GABRG2: variants seen among roughly 807,000 people sequenced by gnomAD.
GABRG2 encodes gamma-aminobutyric acid type A receptor subunit gamma2, also known as gamma-aminobutyric acid receptor subunit gamma-2.
A neutral mutation model predicts 56.4 loss-of-function variants in GABRG2; 16 were observed. The observed-to-expected ratio is 0.28, with a 90% CI of 0.19 to 0.43. GABRG2 has a LOEUF of 0.43. Ranked by LOEUF, GABRG2 falls within the 20% of genes least tolerant of loss-of-function variation. The pLI, the probability that GABRG2 is intolerant of heterozygous loss-of-function variation, is 1.00. For missense variants in GABRG2, 327 were observed against 582.7 expected (o/e 0.56, Z 4.52); for synonymous variants, 208 against 205.5 (o/e 1.01, Z -0.10).
At chr5:162,096,957 C>G (rs958514155) in intron 3 of GABRG2, among the ~76,000 whole-genome samples, 3 of 152,180 alleles carry the variant, frequency 2.0e-5, no homozygotes, top group African/African-American at 7.2e-5. Context: ...AAACCCTCTT[C>G]TTGGGGGTTT....
At position 162,154,991 on chromosome 5, in the gene GABRG2, C is replaced by A. The variant is rs1765615059; in HGVS notation, c.*1623C>A. Reference sequence around the variant, plus strand: ...AATCCTTATTTTTCTAAAATAGCACCCTTTGTTAATTATTTTTATGGAAAT... The same window carrying A: ...AATCCTTATTTTTCTAAAATAGCACACTTTGTTAATTATTTTTATGGAAAT... On this transcript the variant is annotated 3_prime_UTR_variant, in exon 10 of 10. Transcript: ENST00000639213. 6.6e-6 allele frequency: 1 copy of A among 151,990 alleles called. No individual in the cohort carries two copies. The highest frequency in any genetic ancestry group is 1.5e-5 in the Non-Finnish European group (1 of 67,962). 9.4% of individuals were successfully genotyped at this position (151,990 alleles called of 1,614,324 possible). A position where few individuals can be genotyped will look rare whatever the true frequency, so the allele number is the denominator to read the frequency against.
At chr5:162,099,478 G>A (rs1247759212) in intron 4 of GABRG2, 1 of 151,946 alleles carries the variant, frequency 6.6e-6, no homozygotes, top group Non-Finnish European at 1.5e-5. Context: ...TTACTATGTT[G>A]CCCATGTGGT....
chr5:162,075,786 G>A (rs576388319), intron 1 of GABRG2, among the ~76,000 whole-genome samples: 37 of 152,080 alleles, frequency 2.4e-4, no homozygotes, highest in Non-Finnish European at 4.1e-4. Context: ...CAAACAAACC[G>A]TTTCCACAGC....
intron 1 of GABRG2, 22 bp downstream of exon 1, chr5:162,068,128 G>A: frequency 3.2e-6 from 5 of 1,575,452 alleles, no homozygotes; most frequent in Non-Finnish European, 4.4e-6. Flanking sequence ...CCTTTTTGGC[G>A]TCGTTTTGTT....
intron 6 of GABRG2, among the ~76,000 whole-genome samples, chr5:162,105,814 T>TATACAC (rs149564929): frequency 6.8e-6 from 1 of 147,468 alleles, no homozygotes; most frequent in African/African-American, 2.5e-5. Context: ...AGAAAACACA[T>TATACAC]ACACACACAC....
chr5:162,081,611 T>G (rs1441705824), intron 1 of GABRG2, among the ~76,000 whole-genome samples: 3 of 151,992 alleles, frequency 2.0e-5, no homozygotes, highest in African/African-American at 4.8e-5. Flanking sequence ...ATAATACTTT[T>G]GAGATTCATC....
At chr5:162,109,420 A>ATATATATATATATTTATT (rs1424412323) in intron 6 of GABRG2, among the ~76,000 whole-genome samples, 9 of 116,134 alleles carry the variant, frequency 7.7e-5, no homozygotes, top group South Asian at 2.9e-4. Context: ...ATATATATAT[A>ATATATATATATATTTATT]TATTTATTTA....
At chr5:162,141,872 G>A (rs547552171) in intron 6 of GABRG2, among the ~76,000 whole-genome samples, 13 of 152,168 alleles carry the variant, frequency 8.5e-5, no homozygotes, top group African/African-American at 2.9e-4. Context: ...TAATGTTTGT[G>A]AAGTAGGAAG....
intron 6 of GABRG2, among the ~76,000 whole-genome samples, chr5:162,114,559 GATAA>G (rs1369432128): frequency 6.6e-6 from 1 of 151,826 alleles, no homozygotes; most frequent in Non-Finnish European, 1.5e-5. Flanking sequence ...AAATAAATAA[GATAA>G]ATAAAGGGCA....
intron 1 of GABRG2, among the ~76,000 whole-genome samples, chr5:162,081,050 G>C (rs1203330440): frequency 6.6e-6 from 1 of 152,028 alleles, no homozygotes; most frequent in Non-Finnish European, 1.5e-5. Flanking sequence ...TTCTCATAGA[G>C]ACCATTGACA....
chr5:162,137,407 C>T (rs541710122), intron 6 of GABRG2, among the ~76,000 whole-genome samples: 2 of 152,318 alleles, frequency 1.3e-5, no homozygotes, highest in South Asian at 2.1e-4. Context: ...CAGGACCAAA[C>T]ATTACCAAGG....
intron 1 of GABRG2, among the ~76,000 whole-genome samples, chr5:162,078,397 ATTTTTT>A (rs869191596): frequency 2.3e-4 from 7 of 30,690 alleles, no homozygotes; most frequent in Admixed American, 5.7e-4. Flanking sequence ...ATATATATAT[ATTTTTT>A]TTTTTTTTTT....
intron 6 of GABRG2, among the ~76,000 whole-genome samples, chr5:162,105,542 G>T (rs1437326588): frequency 6.8e-6 from 1 of 146,044 alleles, no homozygotes. Context: ...CCATTCTCCT[G>T]CCTCAGCCTC....
intron 6 of GABRG2, among the ~76,000 whole-genome samples, chr5:162,140,467 G>C (rs1440754922): frequency 6.6e-6 from 1 of 152,118 alleles, no homozygotes; most frequent in East Asian, 1.9e-4. Flanking sequence ...GAGTGGGAAA[G>C]AAAAACTAGA....
At chr5:162,112,073 C>T (rs1762290512) in intron 6 of GABRG2, among the ~76,000 whole-genome samples, 1 of 152,000 alleles carries the variant, frequency 6.6e-6, no homozygotes, top group Non-Finnish European at 1.5e-5. Context: ...AGTGGATCTG[C>T]ACAAGACCAT....
chr5:162,127,613 ATCC>A (rs1363047076), intron 6 of GABRG2, among the ~76,000 whole-genome samples: 2 of 151,944 alleles, frequency 1.3e-5, no homozygotes, highest in Middle Eastern at 3.2e-3. Flanking sequence ...ATATGATCCT[ATCC>A]TCCTATGCAC....
At chr5:162,117,327 T>A (rs1277085224) in intron 6 of GABRG2, among the ~76,000 whole-genome samples, 1 of 152,166 alleles carries the variant, frequency 6.6e-6, no homozygotes, top group Non-Finnish European at 1.5e-5. Context: ...TAAGAAGCGA[T>A]AAACCAGAAT....
chr5:162,091,804 T>G (rs1760615786), intron 1 of GABRG2, among the ~76,000 whole-genome samples: 1 of 152,160 alleles, frequency 6.6e-6, no homozygotes, highest in South Asian at 2.1e-4. Context: ...CTTGACTCAT[T>G]TATTTGTTGG....
chr5:162,118,689 G>A (rs1479794009), intron 6 of GABRG2, among the ~76,000 whole-genome samples: 3 of 152,058 alleles, frequency 2.0e-5, no homozygotes, highest in Non-Finnish European at 2.9e-5. Flanking sequence ...CAAGGAACAA[G>A]GCTGAGATTG....
Sources: gnomAD v4.1 joint callset for allele counts (sites outside exome capture counted in the v4.1 genomes callset) on GRCh38, gnomAD v4.1.1 for gene constraint, MANE v1.5 for transcripts, NCBI Gene and HGNC (gene_info 2026-07-23, HGNC 2026-07-21) for gene names.